The following SETX variants were observed in gnomAD, a reference collection of about 807,000 sequenced individuals.
SETX encodes helicase senataxin.
In SETX, 90 loss-of-function variants were observed where a neutral mutation model predicts 227.2. The observed-to-expected ratio is 0.40, with a 90% CI of 0.33 to 0.47. The LOEUF (loss-of-function observed/expected upper bound fraction) is 0.47, where lower values mean the gene tolerates loss of function less well. Ranked by LOEUF, SETX falls within the 20% of genes least tolerant of loss-of-function variation. The pLI is 0.91. For missense variants in SETX, 3,052 were observed against 3,181.5 expected (o/e 0.96, Z 0.98); for synonymous variants, 1,210 against 1,113.2 (o/e 1.09, Z -1.73).
chr9:132,330,173 C>T lies in SETX; in HGVS notation c.1425G>A (p.Leu475=), dbSNP rs1847131735. 1 of 1,593,780 alleles carries T rather than the reference C, an allele frequency of 6.3e-7. No homozygotes were observed. The highest frequency in any genetic ancestry group is 8.6e-7 in the Non-Finnish European group (1 of 1,168,308). ...GCTGGGAACTTACCCACAGCAAATG[C>T]AAACATTTTTTATTTCTATGCAGTT... ...VIELHRNKKC[L]HLLWVSSQQW... Residue 475 remains leucine (L), a synonymous_variant, in exon 10 of 26, where the codon TTG becomes TTA. Coordinates refer to ENST00000224140, the MANE Select transcript of SETX (RefSeq NM_015046.7).
At chr9:132,339,400 C>T (rs1373595427) in intron 5 of SETX, among the ~76,000 whole-genome samples, 1 of 152,152 alleles carries the variant, frequency 6.6e-6, no homozygotes. Context: ...TTACAGTGAG[C>T]TGTCATCACG....
At chr9:132,325,150 A>T (rs537901842) in intron 10 of SETX, among the ~76,000 whole-genome samples, 37 of 152,158 alleles carry the variant, frequency 2.4e-4, no homozygotes, top group African/African-American at 8.7e-4. Flanking sequence ...AGGTCAGGAG[A>T]TTGAGACCAT....
chr9:132,266,862 A>T (rs1842677644), intron 25 of SETX, among the ~76,000 whole-genome samples: 1 of 152,246 alleles, frequency 6.6e-6, no homozygotes. Flanking sequence ...GCAAATGCTA[A>T]ATTGCCAACC....
chr9:132,338,157 T>C (rs1430796268), intron 5 of SETX, among the ~76,000 whole-genome samples: 4 of 146,068 alleles, frequency 2.7e-5, no homozygotes, highest in Admixed American at 2.1e-4. Flanking sequence ...AGTGGCACCA[T>C]CTCGGCTCAC....
chr9:132,329,044 T>C lies in SETX; in HGVS notation c.2554A>G (p.Lys852Glu). 1.9e-6 allele frequency: 3 copies of C among 1,608,912 alleles called. No homozygotes were observed. The East Asian group carries it at 6.7e-5, about 36-fold the overall frequency. Reference sequence around the variant, plus strand: ...TTTTGAGATTTTTGTTCTCCATTCTTATCATCCAGAACACCACTAGGGTCT... The same window carrying C: ...TTTTGAGATTTTTGTTCTCCATTCTCATCATCCAGAACACCACTAGGGTCT... ...SLDPSGVLDD[K>E]NGEQKSQNNV... is the part of the protein sequence containing the mutation. Residue 852 changes from lysine to glutamate, a missense_variant, in exon 10 of 26, where the codon AAG becomes GAG. Coordinates refer to ENST00000224140, the MANE Select transcript of SETX (RefSeq NM_015046.7).
intron 20 of SETX, among the ~76,000 whole-genome samples, chr9:132,280,565 G>A (rs1843443020): frequency 6.6e-6 from 1 of 152,132 alleles, no homozygotes; most frequent in Admixed American, 6.5e-5. Flanking sequence ...GTCATACAAA[G>A]AACTGCACTA....
chr9:132,323,428 CAT>C (rs1846496327), intron 10 of SETX, among the ~76,000 whole-genome samples: 1 of 152,096 alleles, frequency 6.6e-6, no homozygotes, highest in African/African-American at 2.4e-5. Context: ...ATATCTTTCA[CAT>C]AGTCAAAATA....
intron 5 of SETX, among the ~76,000 whole-genome samples, chr9:132,338,090 CTTTT>C (rs71376637): frequency 4.7e-5 from 6 of 126,506 alleles, no homozygotes; most frequent in African/African-American, 1.2e-4. Flanking sequence ...GAGGAACACT[CTTTT>C]TTTTTTTTTT....
intron 19 of SETX, among the ~76,000 whole-genome samples, chr9:132,282,280 T>C (rs1843578194): frequency 6.7e-6 from 1 of 150,224 alleles, no homozygotes. Context: ...TTTTAAATTT[T>C]TTATTTATTT....
chr9:132,271,848 G>A (rs765400898), intron 23 of SETX, 40 bp from the exon 24 acceptor site: 1 of 1,523,054 alleles, frequency 6.6e-7, no homozygotes, highest in East Asian at 2.3e-5. Flanking sequence ...GAAAAAGGAA[G>A]ATAATTATTA....
chr9:132,296,767 A>T, intron 14 of SETX, 120 bp downstream of exon 14: 1 of 948,390 alleles, frequency 1.1e-6, no homozygotes, highest in Non-Finnish European at 1.6e-6. Flanking sequence ...ACACAATATA[A>T]AAAATATATA....
chr9:132,272,947 G>A (rs548252979), intron 23 of SETX, among the ~76,000 whole-genome samples: 27 of 152,250 alleles, frequency 1.8e-4, no homozygotes, highest in Admixed American at 8.5e-4. Flanking sequence ...AAATGGTCAC[G>A]CTGATACTAA....
intron 21 of SETX, 99 bp from the exon 22 acceptor site, chr9:132,277,251 G>T: frequency 1.0e-6 from 1 of 1,004,242 alleles, no homozygotes; most frequent in Non-Finnish European, 1.5e-6. Context: ...GATGTGGGCT[G>T]GGGCAAGTAA....
Position 132,328,615 on chromosome 9 carries a change from T to C in SETX, c.2983A>G (p.Lys995Glu), listed in dbSNP as rs1488667940. 6.2e-7 allele frequency: 1 copy of C among 1,613,646 alleles called. No homozygotes were observed. The highest frequency in any genetic ancestry group is 1.1e-5 in the South Asian group (1 of 90,988). The change falls in exon 10 of 26, where the codon AAA (lysine) becomes GAA (glutamate). Residue 995 changes from lysine to glutamate, a missense_variant. This residue lies in a region of SETX where 1,483 missense variants were observed against 1,312.0 expected (regional missense o/e 1.13). Coordinates refer to ENST00000224140, the MANE Select transcript of SETX (RefSeq NM_015046.7). ...SQLQRKVKED[K>E]RCFTANQNNV... ...TTTTGGTTAGCTGTGAAACATCTTT[T>C]ATCTTCTTTTACTTTCCTTTGCAGC...
At position 132,334,744 on chromosome 9, in the gene SETX, A is replaced by C. The variant is rs140720865; in HGVS notation, c.719-17T>G. The C allele has an allele frequency of 1.2e-6, 2 of 1,613,692 alleles. No individual in the cohort carries two copies. The highest frequency in any genetic ancestry group is 4.5e-5 in the East Asian group (2 of 44,850). On this transcript the variant is annotated splice_polypyrimidine_tract_variant and intron_variant, in intron 6 of 25. Coordinates refer to ENST00000224140, the MANE Select transcript of SETX (RefSeq NM_015046.7). Reference sequence around the variant, plus strand: ...TGCAAATACCTGTAAGATCATTTAGAGTTATCTTGAATTGATGAAATAATA... The same window carrying C: ...TGCAAATACCTGTAAGATCATTTAGCGTTATCTTGAATTGATGAAATAATA...
intron 2 of SETX, among the ~76,000 whole-genome samples, chr9:132,350,007 T>A (rs1186730580): frequency 1.3e-5 from 2 of 152,170 alleles, no homozygotes; most frequent in Non-Finnish European, 2.9e-5. Context: ...AGGCAGTTTT[T>A]AAAAATGTTT....
rs773862120 is a variant in SETX, at chr9:132,298,080, A to G, written c.5781T>C (p.Ile1927=). The G allele has an allele frequency of 1.2e-6, 2 of 1,609,214 alleles. No homozygotes were observed. The highest frequency in any genetic ancestry group is 1.7e-6 in the Non-Finnish European group (2 of 1,175,610). Residue 1927 remains isoleucine, a splice_region_variant and synonymous_variant, in exon 13 of 26, where the codon ATT becomes ATC. Transcript: ENST00000224140. ...KDLLTTTSER[I]IAYLRDFNED... is the part of the protein sequence containing the mutation. The stretch of plus-strand genomic sequence containing the variant: ...TCTAGTATCATACATCATCACTCAC[A>G]ATTCTCTCAGATGTTGTAGTCAGTA...
At chr9:132,345,618 G>A (rs970467209) in intron 4 of SETX, among the ~76,000 whole-genome samples, 7 of 152,140 alleles carry the variant, frequency 4.6e-5, no homozygotes, top group African/African-American at 1.4e-4. Context: ...GAACAGATAC[G>A]TAATAAAGCA....
Position 132,349,534 on chromosome 9 carries a change from T to G in SETX, c.-7-99A>C, listed in dbSNP as rs115333638. ...TCAACTTGTGACCCTGGTTTCAATT[T>G]AAAATGTGTCACTAAAACCCAAATC... On this transcript the variant is annotated intron_variant, in intron 2 of 25. Coordinates refer to ENST00000224140, the MANE Select transcript of SETX (RefSeq NM_015046.7). 1.4e-3 allele frequency: 1,837 copies of G among 1,281,702 alleles called. 25 individuals are homozygous for G. In the African/African-American group the frequency reaches 0.024, roughly 17 times the overall value. 79.4% of individuals were successfully genotyped at this position (1,281,702 alleles called of 1,614,324 possible). A position where few individuals can be genotyped will look rare whatever the true frequency, so the allele number is the denominator to read the frequency against.
Sources: gnomAD v4.1 joint callset for allele counts (sites outside exome capture counted in the v4.1 genomes callset) on GRCh38, gnomAD v4.1.1 for gene constraint, gnomAD v4.1.1 regional missense constraint, MANE v1.5 for transcripts, NCBI Gene and HGNC (gene_info 2026-07-23, HGNC 2026-07-21) for gene names.